Variants in CC2D2B observed in about 807,000 individuals in gnomAD.
The protein encoded by CC2D2B is protein CC2D2B.
Under a neutral mutation model 161.2 loss-of-function variants are expected in CC2D2B, and 128 were observed. The ratio of observed to expected loss-of-function variants is 0.79; its 90% CI spans 0.69 to 0.92. The LOEUF is 0.92. Among genes scored for constraint, CC2D2B ranks in the 40% least tolerant of loss-of-function variants. CC2D2B has a pLI of 0.00. For missense variants in CC2D2B, 1,173 were observed against 1,375.1 expected (o/e 0.85, Z 2.32); for synonymous variants, 391 against 449.8 (o/e 0.87, Z 1.65).
intron 19 of CC2D2B, among the ~76,000 whole-genome samples, chr10:95,987,729 A>G (rs1407273744): frequency 6.6e-6 from 1 of 152,196 alleles, no homozygotes; most frequent in Admixed American, 6.5e-5. Flanking sequence ...TACAGATATT[A>G]TTTCAATTAA....
intron 6 of CC2D2B, among the ~76,000 whole-genome samples, chr10:95,935,109 G>C (rs1475144557): frequency 6.6e-6 from 1 of 152,172 alleles, no homozygotes; most frequent in Admixed American, 6.5e-5. Context: ...GACCTCAGGT[G>C]ATCTGCCCAC....
At chr10:95,998,922 C>A (rs2078343902) in intron 24 of CC2D2B, among the ~76,000 whole-genome samples, 2 of 151,844 alleles carry the variant, frequency 1.3e-5, no homozygotes, top group African/African-American at 2.4e-5. Flanking sequence ...TTGAGACCAG[C>A]CTGGCCAAGA....
intron 12 of CC2D2B, among the ~76,000 whole-genome samples, chr10:95,963,507 G>A (rs1032037900): frequency 1.3e-5 from 2 of 152,166 alleles, no homozygotes; most frequent in Admixed American, 1.3e-4. Flanking sequence ...TGCATGGTCT[G>A]TGACACAGTA....
At chr10:96,001,887 T>G (rs2078513947) in intron 24 of CC2D2B, among the ~76,000 whole-genome samples, 1 of 152,216 alleles carries the variant, frequency 6.6e-6, no homozygotes, top group African/African-American at 2.4e-5. Flanking sequence ...CTTGCTTTCT[T>G]GAACTATTTA....
intron 25 of CC2D2B, among the ~76,000 whole-genome samples, chr10:96,005,161 C>G (rs140559922): frequency 1.3e-5 from 2 of 152,120 alleles, no homozygotes; most frequent in Admixed American, 1.3e-4. Context: ...AAATTGGTAA[C>G]GGGTAAAGCT....
chr10:95,961,098 G>A (rs376709854), intron 11 of CC2D2B, among the ~76,000 whole-genome samples: 40 of 152,294 alleles, frequency 2.6e-4, no homozygotes, highest in African/African-American at 9.4e-4. Flanking sequence ...TGTAAATAGT[G>A]AAGTGCCAAC....
At chr10:95,993,938 GTGTGTA>G (rs1355581467) in intron 22 of CC2D2B, among the ~76,000 whole-genome samples, 1,317 of 38,082 alleles carry the variant, frequency 0.035, 19 homozygotes, top group Non-Finnish European at 0.044. Flanking sequence ...GTGTGTGTGT[GTGTGTA>G]TGTATGTGTA....
intron 6 of CC2D2B, among the ~76,000 whole-genome samples, chr10:95,930,537 C>G (rs1259914180): frequency 6.6e-6 from 1 of 151,680 alleles, no homozygotes; most frequent in African/African-American, 2.4e-5. Flanking sequence ...TGGGTTTGTC[C>G]TGAATAGCTC....
At chr10:96,025,170 T>TAAAAAAA (rs1564683762) in intron 33 of CC2D2B, among the ~76,000 whole-genome samples, 30 of 19,310 alleles carry the variant, frequency 1.6e-3, no homozygotes, top group East Asian at 6.1e-3. Context: ...TATATATATA[T>TAAAAAAA]ATATATATAT....
chr10:95,980,102 C>T (rs1485811236), intron 17 of CC2D2B, among the ~76,000 whole-genome samples: 1 of 149,596 alleles, frequency 6.7e-6, no homozygotes, highest in Non-Finnish European at 1.5e-5. Flanking sequence ...TTTCCCATGC[C>T]TTTTATAAAG....
intron 10 of CC2D2B, among the ~76,000 whole-genome samples, chr10:95,953,563 T>C (rs2076476334): frequency 6.6e-6 from 1 of 152,162 alleles, no homozygotes; most frequent in African/African-American, 2.4e-5. Flanking sequence ...TTTTAGATTT[T>C]CTTGTTTGCT....
At chr10:96,021,797 C>A (rs891311874) in intron 32 of CC2D2B, among the ~76,000 whole-genome samples, 1 of 152,166 alleles carries the variant, frequency 6.6e-6, no homozygotes, top group East Asian at 1.9e-4. Context: ...GAGCAGTATA[C>A]AGAGTACTTC....
chr10:96,010,474 G>A lies in CC2D2B; in HGVS notation c.3045+551G>A, dbSNP rs550764476. On this transcript the variant is annotated intron_variant, in intron 26 of 34. Coordinates refer to ENST00000646931, the MANE Select transcript of CC2D2B (RefSeq NM_001349008.3). ...CGACGCCATGCCAGACACTGTAAAT[G>A]TGAAAATTCAGAAATGAATTTTCTA... Among the ~76,000 whole-genome samples the A allele has an allele frequency of 4.5e-4, 69 of 152,260 alleles. 1 individual carries two copies. Among genetic ancestry groups the A allele is most frequent in the African/African-American group, 1.6e-3 (67 of 41,548 alleles).
chr10:96,011,377 C>A (rs2078982501), intron 26 of CC2D2B, among the ~76,000 whole-genome samples: 1 of 152,150 alleles, frequency 6.6e-6, no homozygotes, highest in African/African-American at 2.4e-5. Context: ...ATCCTGGCTC[C>A]ACTGACTCAT....
chr10:96,030,535 T>A (rs767409334), intron 34 of CC2D2B, among the ~76,000 whole-genome samples: 16 of 152,018 alleles, frequency 1.1e-4, no homozygotes, highest in Admixed American at 2.6e-4. Context: ...GAGGGAGGGA[T>A]CTACAGGCAC....
chr10:95,983,534 G>A, intron 18 of CC2D2B, 72 bp from the exon 19 acceptor site: 4 of 680,282 alleles, frequency 5.9e-6, no homozygotes, highest in Non-Finnish European at 8.3e-6. Flanking sequence ...CACAGTTGGG[G>A]AAAAAGTCTT....
intron 31 of CC2D2B, 86 bp downstream of exon 31, chr10:96,019,423 TATAG>T: frequency 2.3e-6 from 3 of 1,291,126 alleles, no homozygotes; most frequent in Non-Finnish European, 3.2e-6. Context: ...GAACTTTAAA[TATAG>T]ATAGTCTATC....
intron 20 of CC2D2B, among the ~76,000 whole-genome samples, chr10:95,990,187 A>T (rs1187967181): frequency 6.6e-6 from 1 of 152,210 alleles, no homozygotes; most frequent in African/African-American, 2.4e-5. Context: ...ATAATTGGAA[A>T]CACATTATTA....
chr10:96,029,754 GTAA>G (rs1309937079), intron 34 of CC2D2B, among the ~76,000 whole-genome samples: 1 of 151,578 alleles, frequency 6.6e-6, no homozygotes, highest in Non-Finnish European at 1.5e-5. Context: ...GGTATTATAA[GTAA>G]TAATTATAAA....
Sources: allele counts gnomAD v4.1 joint callset (sites outside exome capture counted in the v4.1 genomes callset), GRCh38; gene constraint gnomAD v4.1.1; transcripts MANE v1.5; gene names NCBI Gene and HGNC (gene_info 2026-07-23, HGNC 2026-07-21).